The following KCNT1 variants were observed in gnomAD, a reference collection of about 807,000 sequenced individuals.
KCNT1 encodes the protein potassium channel subfamily T member 1.
A neutral mutation model predicts 147.8 loss-of-function variants in KCNT1; 78 were observed. That is an observed-to-expected ratio of 0.53 (90% CI 0.44 to 0.64). The LOEUF (loss-of-function observed/expected upper bound fraction) is 0.64, where lower values mean the gene tolerates loss of function less well. KCNT1 is among the 30% of genes least tolerant of loss of function. The pLI is 0.00. For missense variants in KCNT1, 1,419 were observed against 1,750.3 expected (o/e 0.81, Z 3.38); for synonymous variants, 867 against 748.8 (o/e 1.16, Z -2.58).
At chr9:135,740,969 T>C (rs1405558994) in intron 2 of KCNT1, among the ~76,000 whole-genome samples, 2 of 152,030 alleles carry the variant, frequency 1.3e-5, no homozygotes, top group Non-Finnish European at 2.9e-5. Context: ...CAGACCTTGT[T>C]TGCACAGAGC....
At chr9:135,782,360 C>T (rs1259056345) in intron 24 of KCNT1, among the ~76,000 whole-genome samples, 1 of 152,192 alleles carries the variant, frequency 6.6e-6, no homozygotes, top group African/African-American at 2.4e-5. Flanking sequence ...CGTCCACCTC[C>T]CCTGGTCTCC....
intron 1 of KCNT1, among the ~76,000 whole-genome samples, chr9:135,703,922 A>ACAGAGATTCCCTGTCACACTGCAGG (rs879390374): frequency 3.3e-5 from 5 of 152,202 alleles, no homozygotes; most frequent in Non-Finnish European, 7.3e-5. Context: ...CTCCGTTGCA[A>ACAGAGATTCCCTGTCACACTGCAGG]CAGAGATTCC....
At position 135,770,100 on chromosome 9, in the gene KCNT1, G is replaced by A. The variant is rs116237874; in HGVS notation, c.1619+45G>A. The A allele has an allele frequency of 3.3e-3, 4,986 of 1,496,272 alleles. 121 individuals are homozygous for A. The African/African-American group carries it at 0.058, about 17-fold the overall frequency. The allele number at this position is 1,496,272 out of a possible 1,614,324, so 92.7% of individuals were successfully genotyped here. Reference sequence around the variant, plus strand: ...GGGGACCGACCTCCATGGCGGGGCCGGCGCAGGGAGACAACGCAGGGCCTG... The same window carrying A: ...GGGGACCGACCTCCATGGCGGGGCCAGCGCAGGGAGACAACGCAGGGCCTG... On this transcript the variant is annotated intron_variant, in intron 16 of 30. Coordinates refer to ENST00000371757, the MANE Select transcript of KCNT1 (RefSeq NM_020822.3).
At chr9:135,758,557 G>A (rs530571866) in intron 10 of KCNT1, 49 bp downstream of exon 10, 81 of 1,484,268 alleles carry the variant, frequency 5.5e-5, no homozygotes, top group East Asian at 3.4e-4. Flanking sequence ...GGGAGGGCCC[G>A]AGAGGCAAGC....
intron 2 of KCNT1, among the ~76,000 whole-genome samples, chr9:135,732,030 A>G (rs573160758): frequency 3.2e-3 from 433 of 134,254 alleles, no homozygotes; most frequent in Non-Finnish European, 5.7e-3. Context: ...AGAGAGAGAG[A>G]GAGAGAGAGA....
At chr9:135,731,960 G>GTATATATATATATATATATATATA (rs776201547) in intron 2 of KCNT1, among the ~76,000 whole-genome samples, 8 of 41,420 alleles carry the variant, frequency 1.9e-4, no homozygotes, top group South Asian at 9.4e-4. Flanking sequence ...AAATATGCGT[G>GTATATATATATATATATATATATA]TATATATATA....
At chr9:135,780,150 A>G (rs567178225) in intron 24 of KCNT1, among the ~76,000 whole-genome samples, 1 of 152,332 alleles carries the variant, frequency 6.6e-6, no homozygotes, top group East Asian at 1.9e-4. Flanking sequence ...GCCCCACCGC[A>G]TTCCCCACCT....
Position 135,784,814 on chromosome 9 carries a change from G to A in KCNT1, c.3081G>A (p.Gln1027=). 6.2e-7 allele frequency: 1 copy of A among 1,612,850 alleles called. No homozygotes were observed. Among genetic ancestry groups the A allele is most frequent in the Non-Finnish European group, 8.5e-7 (1 of 1,179,982 alleles). The change falls in exon 27 of 31, where the codon CAG becomes CAA. Residue 1027 remains glutamine (Q), a synonymous_variant. Transcript: ENST00000371757. ...LWIRTYGRLF[Q]KLCSSSAEIP... Reference sequence around the variant, plus strand: ...TCCGCACGTACGGCCGCCTCTTCCAGAAGCTCTGCTCCTCCAGCGCCGAGA... The same window carrying A: ...TCCGCACGTACGGCCGCCTCTTCCAAAAGCTCTGCTCCTCCAGCGCCGAGA...
At chr9:135,775,178 C>G (rs1031639283) in intron 19 of KCNT1, 132 bp from the exon 20 acceptor site, 2 of 592,810 alleles carry the variant, frequency 3.4e-6, no homozygotes, top group Admixed American at 3.5e-5. Context: ...CTTGGGTCAG[C>G]TGTGCGTGAC....
At chr9:135,720,634 G>A (rs547903444) in intron 2 of KCNT1, among the ~76,000 whole-genome samples, 1 of 152,276 alleles carries the variant, frequency 6.6e-6, no homozygotes, top group Non-Finnish European at 1.5e-5. Flanking sequence ...CGCCTCTCTT[G>A]GGGCTGGGGG....
chr9:135,755,069 G>A, intron 5 of KCNT1, 52 bp from the exon 6 acceptor site: 1 of 1,534,036 alleles, frequency 6.5e-7, no homozygotes, highest in South Asian at 1.2e-5. Flanking sequence ...GGGTGGCTGG[G>A]GGACACTAGT....
intron 24 of KCNT1, among the ~76,000 whole-genome samples, chr9:135,781,138 C>T (rs1414075465): frequency 1.3e-5 from 2 of 152,216 alleles, no homozygotes; most frequent in African/African-American, 2.4e-5. Flanking sequence ...AGCTCTCCAT[C>T]TCAGAGCAGT....
chr9:135,778,594 G>C, intron 22 of KCNT1, 94 bp from the exon 23 acceptor site: 6 of 1,601,794 alleles, frequency 3.7e-6, no homozygotes, highest in Non-Finnish European at 5.1e-6. Flanking sequence ...GGGGTGGGGG[G>C]CTGAGGTCCT....
chr9:135,746,583 A>C (rs1371605206), intron 2 of KCNT1, among the ~76,000 whole-genome samples: 1 of 152,190 alleles, frequency 6.6e-6, no homozygotes, highest in Non-Finnish European at 1.5e-5. Flanking sequence ...AGGGGGACGC[A>C]TTGGCTTCGT....
intron 4 of KCNT1, among the ~76,000 whole-genome samples, chr9:135,751,862 C>A (rs1831196412): frequency 6.6e-6 from 1 of 152,192 alleles, no homozygotes; most frequent in Non-Finnish European, 1.5e-5. Flanking sequence ...TTCTTCTCTC[C>A]CCTCTCCTGC....
chr9:135,749,491 C>G (rs566477227), intron 2 of KCNT1, among the ~76,000 whole-genome samples: 5 of 152,266 alleles, frequency 3.3e-5, no homozygotes, highest in African/African-American at 1.2e-4. Context: ...GGAAGGGGAG[C>G]GGCACTGGCT....
chr9:135,711,401 CA>C (rs899239398), intron 1 of KCNT1, among the ~76,000 whole-genome samples: 1 of 152,246 alleles, frequency 6.6e-6, no homozygotes, highest in African/African-American at 2.4e-5. Flanking sequence ...GCCCCCACCC[CA>C]GTGCCTCTGC....
chr9:135,772,997 A>G (rs1832866119), intron 19 of KCNT1, 48 bp downstream of exon 19: 16 of 1,328,410 alleles, frequency 1.2e-5, no homozygotes, highest in South Asian at 1.6e-5. Context: ...GGAGCCGCCC[A>G]TGAGTGCGGG....
At chr9:135,791,940 G>A in intron 30 of KCNT1, 59 bp downstream of exon 30, 1 of 1,611,598 alleles carries the variant, frequency 6.2e-7, no homozygotes, top group East Asian at 2.2e-5. Flanking sequence ...GGGCACTGGG[G>A]AGATGAGGCC....
Sources: gnomAD v4.1 joint callset for allele counts (sites outside exome capture counted in the v4.1 genomes callset) on GRCh38, gnomAD v4.1.1 for gene constraint, MANE v1.5 for transcripts, NCBI Gene and HGNC (gene_info 2026-07-23, HGNC 2026-07-21) for gene names.